The following NAPEPLD variants were observed in gnomAD, a reference collection of about 807,000 sequenced individuals.
The protein encoded by NAPEPLD is N-acyl-phosphatidylethanolamine-hydrolyzing phospholipase D.
NAPEPLD carries 23 observed loss-of-function variants against 38.1 expected under a neutral mutation model. The observed-to-expected ratio is 0.60, with a 90% CI of 0.43 to 0.86. The LOEUF (loss-of-function observed/expected upper bound fraction) is 0.86, where lower values mean the gene tolerates loss of function less well. Among genes scored for constraint, NAPEPLD ranks in the 40% least tolerant of loss-of-function variants. NAPEPLD has a pLI of 0.00. For synonymous variants in NAPEPLD, 147 were observed against 162.0 expected (o/e 0.91, Z 0.71); for missense variants, 411 against 476.8 (o/e 0.86, Z 1.28).
At chr7:103,116,295 T>C in intron 3 of NAPEPLD, among the ~76,000 whole-genome samples, 1 of 152,126 alleles carries the variant, frequency 6.6e-6, no homozygotes, top group Non-Finnish European at 1.5e-5. Context: ...TCTCCTGACC[T>C]TGTGATCTGC....
chr7:103,138,822 T>C (rs915558492), intron 1 of NAPEPLD, among the ~76,000 whole-genome samples: 1 of 152,210 alleles, frequency 6.6e-6, no homozygotes, highest in Non-Finnish European at 1.5e-5. Flanking sequence ...CTTTCATTCA[T>C]CTGTAAAATA....
chr7:103,138,383 C>T (rs11773883), intron 1 of NAPEPLD, among the ~76,000 whole-genome samples: 138,486 of 152,142 alleles, frequency 0.91, 64,411 homozygotes, highest in East Asian at 1. Context: ...AGCTCCTGGA[C>T]AGGACAGAGA....
chr7:103,106,869 A>G (rs1033694558), intron 4 of NAPEPLD, among the ~76,000 whole-genome samples: 2 of 152,216 alleles, frequency 1.3e-5, no homozygotes, highest in Non-Finnish European at 2.9e-5. Flanking sequence ...TGAAAAGAGC[A>G]CTGGTTCTCC....
At chr7:103,148,487 AAAC>A (rs903536835) in intron 1 of NAPEPLD, among the ~76,000 whole-genome samples, 48 of 151,438 alleles carry the variant, frequency 3.2e-4, no homozygotes, top group African/African-American at 9.2e-4. Context: ...CAAACAAACA[AAAC>A]AACAACAACA....
intron 2 of NAPEPLD, among the ~76,000 whole-genome samples, chr7:103,124,402 G>A (rs1008596952): frequency 2.1e-4 from 32 of 151,890 alleles, no homozygotes; most frequent in Non-Finnish European, 4.3e-4. Flanking sequence ...AGGTTGCAGT[G>A]AGCCAAGATT....
At chr7:103,111,356 G>A (rs920034308) in intron 4 of NAPEPLD, among the ~76,000 whole-genome samples, 1 of 151,984 alleles carries the variant, frequency 6.6e-6, no homozygotes, top group Non-Finnish European at 1.5e-5. Flanking sequence ...CTGACTTCAA[G>A]CTATACTACA....
At position 103,119,849 on chromosome 7, in the gene NAPEPLD, G is replaced by T; in HGVS notation, c.669C>A (p.Gly223=). 1 of 1,614,104 alleles carries T rather than the reference G, an allele frequency of 6.2e-7. No homozygotes were observed. The highest frequency in any genetic ancestry group is 8.5e-7 in the Non-Finnish European group (1 of 1,180,038). The change falls in exon 3 of 5, where the codon GGC becomes GGA. Residue 223 remains glycine (G), a synonymous_variant. Coordinates refer to ENST00000465647, the MANE Select transcript of NAPEPLD (RefSeq NM_001122838.3). ...AGTCCAACTCAATCACATTCTCACA[G>T]CCACATTTTTGCATCCAGTCAAGGA... The part of the protein sequence containing the change: ...LGLLDWMQKC[G]CENVIELDWW...
intron 1 of NAPEPLD, among the ~76,000 whole-genome samples, chr7:103,147,541 A>G (rs1457204451): frequency 6.6e-6 from 1 of 152,228 alleles, no homozygotes; most frequent in Non-Finnish European, 1.5e-5. Flanking sequence ...AACACAGACT[A>G]AATGTTCATA....
At position 103,119,958 on chromosome 7, in the gene NAPEPLD, T is replaced by C; in HGVS notation, c.560A>G (p.His187Arg). 1.2e-6 allele frequency: 2 copies of C among 1,614,200 alleles called. No individual in the cohort carries two copies. Among genetic ancestry groups the C allele is most frequent in the Non-Finnish European group, 8.5e-7 (1 of 1,180,038 alleles). ...PIDAVLISHN[H>R]YDHLDYNSVI... ...AGAATTGTAGTCCAGATGGTCATAGTGGTTGTGACTGATAAGGACCGCATC... is the reference window on the plus strand; with the variant it reads ...AGAATTGTAGTCCAGATGGTCATAGCGGTTGTGACTGATAAGGACCGCATC... The change falls in exon 3 of 5, where the codon CAC becomes CGC. Residue 187 changes from histidine (H) to arginine (R), a missense_variant. Transcript: ENST00000465647.
intron 4 of NAPEPLD, among the ~76,000 whole-genome samples, chr7:103,111,362 C>T (rs141121683): frequency 0.011 from 1,682 of 152,274 alleles, 35 homozygotes; most frequent in African/African-American, 0.039. Flanking sequence ...TCAAGCTATA[C>T]TACAAGGTTA....
chr7:103,104,117 C>G (rs1802832219), intron 4 of NAPEPLD, among the ~76,000 whole-genome samples: 1 of 152,158 alleles, frequency 6.6e-6, no homozygotes, highest in East Asian at 1.9e-4. Context: ...AGATTTTGCC[C>G]TGAGGAATTG....
At position 103,102,338 on chromosome 7, in the gene NAPEPLD, G is replaced by A. The variant is rs1451137071; in HGVS notation, c.*1091C>T. 1 of 152,024 alleles carries A rather than the reference G, an allele frequency of 6.6e-6. No homozygotes were observed. Among genetic ancestry groups the A allele is most frequent in the Non-Finnish European group, 1.5e-5 (1 of 68,032 alleles). 9.4% of individuals were successfully genotyped at this position (152,024 alleles called of 1,614,324 possible). A position where few individuals can be genotyped will look rare whatever the true frequency, so the allele number is the denominator to read the frequency against. The stretch of plus-strand genomic sequence containing the variant: ...CCTTCCCTTCCTCTGCTCAGCTAAG[G>A]AGAGGGCTTTCTTTTGAGACAGGGT... On this transcript the variant is annotated 3_prime_UTR_variant, in exon 5 of 5. Coordinates refer to ENST00000465647, the MANE Select transcript of NAPEPLD (RefSeq NM_001122838.3).
At chr7:103,121,866 G>A (rs1480720982) in intron 2 of NAPEPLD, among the ~76,000 whole-genome samples, 1 of 152,130 alleles carries the variant, frequency 6.6e-6, no homozygotes, top group East Asian at 1.9e-4. Flanking sequence ...GAAGAGCCCA[G>A]TTGCCAAAGG....
intron 1 of NAPEPLD, chr7:103,141,861 TG>T (rs1290121850): frequency 2.0e-6 from 2 of 1,008,948 alleles, no homozygotes; most frequent in African/African-American, 1.6e-5. Flanking sequence ...TTGGTCTCAT[TG>T]GGGTCTAACC....
At chr7:103,122,889 T>C (rs1807005668) in intron 2 of NAPEPLD, among the ~76,000 whole-genome samples, 1 of 152,138 alleles carries the variant, frequency 6.6e-6, no homozygotes, top group Non-Finnish European at 1.5e-5. Context: ...CAACTTAAGG[T>C]ATAACTTAAG....
Position 103,100,010 on chromosome 7 carries a change from T to G in NAPEPLD, c.*3419A>C, listed in dbSNP as rs1802166191. 2.0e-5 allele frequency: 3 copies of G among 152,244 alleles called. No homozygotes were observed. The highest frequency in any genetic ancestry group is 2.0e-4 in the Admixed American group (3 of 15,284). The allele number at this position is 152,244 out of a possible 1,614,324, so 9.4% of individuals were successfully genotyped here. A position where few individuals can be genotyped will look rare whatever the true frequency, so the allele number is the denominator to read the frequency against. ...TTAAGGCAAAGCTTTAAGAATACTT[T>G]AAATTTCATTTGTAAATACATAGAT... On this transcript the variant is annotated 3_prime_UTR_variant, in exon 5 of 5. Coordinates refer to ENST00000465647, the MANE Select transcript of NAPEPLD (RefSeq NM_001122838.3).
chr7:103,142,082 C>T (rs1811522520), intron 1 of NAPEPLD: 1 of 580,712 alleles, frequency 1.7e-6, no homozygotes, highest in East Asian at 2.8e-5. Context: ...GATATACAGG[C>T]AGGGTTGAGA....
chr7:103,125,382 G>T (rs139501909), intron 2 of NAPEPLD, among the ~76,000 whole-genome samples: 1 of 152,104 alleles, frequency 6.6e-6, no homozygotes, highest in East Asian at 1.9e-4. Context: ...CTTAATATGT[G>T]GAAAATGCAG....
intron 1 of NAPEPLD, among the ~76,000 whole-genome samples, chr7:103,133,614 G>C (rs981516196): frequency 6.6e-6 from 1 of 152,210 alleles, no homozygotes; most frequent in Non-Finnish European, 1.5e-5. Context: ...GTAGGAATGA[G>C]GAAGAGTGGG....
Sources: allele counts gnomAD v4.1 joint callset (sites outside exome capture counted in the v4.1 genomes callset), GRCh38; gene constraint gnomAD v4.1.1; transcripts MANE v1.5; gene names NCBI Gene and HGNC (gene_info 2026-07-23, HGNC 2026-07-21).